Variants in IQCH observed in about 807,000 individuals in gnomAD.
IQCH encodes the protein IQ motif containing H.
Under a neutral mutation model 117.0 loss-of-function variants are expected in IQCH, and 98 were observed. The ratio of observed to expected loss-of-function variants is 0.84; its 90% CI spans 0.71 to 0.99. The LOEUF (loss-of-function observed/expected upper bound fraction) is 0.99. Among genes scored for constraint, IQCH ranks in the 50% least tolerant of loss-of-function variants. The pLI, the probability that IQCH is intolerant of heterozygous loss-of-function variation, is 0.00. For missense variants in IQCH, 1,102 were observed against 1,243.8 expected, an observed-to-expected ratio of 0.89 and a Z score of 1.72; for synonymous variants, 412 against 448.2, an observed-to-expected ratio of 0.92 and a Z score of 1.02.
At chr15:67,444,016 GTTCT>G (rs2082338397) in intron 16 of IQCH, among the ~76,000 whole-genome samples, 3 of 152,220 alleles carry the variant, frequency 2.0e-5, no homozygotes, top group African/African-American at 7.2e-5. Context: ...CCAAGCCTGT[GTTCT>G]TTCTCTCACA....
rs543927271 is a variant in IQCH, at chr15:67,323,645, A to G, written c.388-13330A>G. 3.9e-5 allele frequency among the ~76,000 whole-genome samples: 6 copies of G among 152,282 alleles called. No homozygotes were observed. In the East Asian group the frequency reaches 1.2e-3, roughly 29 times the overall value. The stretch of plus-strand genomic sequence containing the variant: ...ATTTTTAGTGGTTGCTCTAGGAATT[A>G]CAATATTCATCCTTAAGTTACCAGA... On this transcript the variant is annotated intron_variant, in intron 4 of 20. Coordinates refer to ENST00000335894, the MANE Select transcript of IQCH (RefSeq NM_001031715.3).
At chr15:67,398,765 C>T (rs1381965236) in intron 13 of IQCH, among the ~76,000 whole-genome samples, 1 of 151,534 alleles carries the variant, frequency 6.6e-6, no homozygotes, top group Non-Finnish European at 1.5e-5. Flanking sequence ...GAGATCTGAT[C>T]AAAAAAGAGG....
intron 16 of IQCH, among the ~76,000 whole-genome samples, chr15:67,435,364 C>T (rs1342779441): frequency 4.6e-5 from 7 of 152,020 alleles, no homozygotes; most frequent in Non-Finnish European, 8.8e-5. Context: ...GTGGGCAGAT[C>T]ACTTTAGGCC....
chr15:67,425,983 G>GGT lies in IQCH; in HGVS notation c.2505+4406_2505+4407insGT, dbSNP rs1567178144. Among the ~76,000 whole-genome samples the GGT allele has an allele frequency of 3.3e-5, 5 of 152,210 alleles. No homozygotes were observed. Among genetic ancestry groups the GGT allele is most frequent in the Non-Finnish European group, 7.3e-5 (5 of 68,028 alleles). On this transcript the variant is annotated intron_variant, in intron 16 of 20. Coordinates refer to ENST00000335894, the MANE Select transcript of IQCH (RefSeq NM_001031715.3). This position sits in a 1 kb window ranked among gnomAD's most constrained non-coding sequence, Gnocchi z 5.5. ...TGCTCAGTTGTTCCAGATTTGGCCA[G>GGT]TGAGAGACCCTTCAGGGTGTGTCTT...
At chr15:67,286,050 G>A (rs1420147781) in intron 4 of IQCH, among the ~76,000 whole-genome samples, 5 of 152,110 alleles carry the variant, frequency 3.3e-5, no homozygotes, top group African/African-American at 1.2e-4. Flanking sequence ...TGACAATATT[G>A]ATTCTTCCAA....
intron 4 of IQCH, among the ~76,000 whole-genome samples, chr15:67,293,045 C>G (rs1163864850): frequency 6.6e-6 from 1 of 152,210 alleles, no homozygotes; most frequent in Non-Finnish European, 1.5e-5. Flanking sequence ...CATCCTGGCT[C>G]TATCACTTAC....
intron 14 of IQCH, among the ~76,000 whole-genome samples, chr15:67,409,844 A>G (rs1334223463): frequency 2.0e-5 from 3 of 152,208 alleles, no homozygotes; most frequent in Non-Finnish European, 4.4e-5. Context: ...ACAGCAGCAT[A>G]ATTTTCCATC....
Position 67,255,087 on chromosome 15 carries a change from A to G in IQCH, c.51+140A>G, listed in dbSNP as rs192018150. On this transcript the variant is annotated intron_variant, in intron 1 of 20. Transcript: ENST00000335894. ...TCCAACTCGCGAGAGGCTCCCAAAA[A>G]TGCCCACCCAGACCTTCCCCCACGG... 25 of 801,790 alleles carry G rather than the reference A, an allele frequency of 3.1e-5. No homozygotes were observed. The African/African-American group carries it at 4.1e-4, about 13-fold the overall frequency. 49.7% of individuals were successfully genotyped at this position (801,790 alleles called of 1,614,324 possible).
In IQCH at chr15:67,457,047, G is replaced by A. The variant is rs560335499; in HGVS notation, c.2506-8080G>A. Among the ~76,000 whole-genome samples the A allele has an allele frequency of 1.3e-5, 2 of 152,294 alleles. No individual in the cohort carries two copies. Among genetic ancestry groups the A allele is most frequent in the African/African-American group, 2.4e-5 (1 of 41,566 alleles). On this transcript the variant is annotated intron_variant, in intron 16 of 20. Transcript: ENST00000335894. The surrounding 1 kb of genome is among the most constrained non-coding windows in gnomAD (Gnocchi z 5.7). ...AAACCAAGAGGCTCAATTGCTGACC[G>A]GGGTGACTGCCCTGTACAGCGACAA...
At chr15:67,264,205 C>G (rs1340162503) in intron 3 of IQCH, among the ~76,000 whole-genome samples, 1 of 152,234 alleles carries the variant, frequency 6.6e-6, no homozygotes, top group South Asian at 2.1e-4. Context: ...CCTGGACCTC[C>G]TTGCAGACAT....
At chr15:67,287,403 CT>C (rs1292559662) in intron 4 of IQCH, among the ~76,000 whole-genome samples, 1 of 152,062 alleles carries the variant, frequency 6.6e-6, no homozygotes. Context: ...GGGTACTGGG[CT>C]TTTCTTTGCT....
At chr15:67,374,059 C>T (rs909233589) in intron 10 of IQCH, 4 of 152,352 alleles carry the variant, frequency 2.6e-5, no homozygotes, top group African/African-American at 7.2e-5. Flanking sequence ...AATTGGGGAA[C>T]TTAAAAGCTG....
Position 67,501,007 on chromosome 15 carries a change from A to G in IQCH, c.*261A>G. 1 of 229,256 alleles carries G rather than the reference A, an allele frequency of 4.4e-6. No homozygotes were observed. Among genetic ancestry groups the G allele is most frequent in the Non-Finnish European group, 8.5e-6 (1 of 117,668 alleles). The allele number at this position is 229,256 out of a possible 1,614,324, so 14.2% of individuals were successfully genotyped here. A position where few individuals can be genotyped will look rare whatever the true frequency, so the allele number is the denominator to read the frequency against. ...CTTCTTCTCAAACTCAGAAAAAAGTAATCTGATAAAAGAAGAAAGTTAAAA... is the reference window on the plus strand; with the variant it reads ...CTTCTTCTCAAACTCAGAAAAAAGTGATCTGATAAAAGAAGAAAGTTAAAA... On this transcript the variant is annotated 3_prime_UTR_variant, in exon 21 of 21. Coordinates refer to ENST00000335894, the MANE Select transcript of IQCH (RefSeq NM_001031715.3). This position sits in a 1 kb window ranked among gnomAD's most constrained non-coding sequence, Gnocchi z 5.2.
intron 10 of IQCH, among the ~76,000 whole-genome samples, chr15:67,382,973 A>G (rs776241359): frequency 1.9e-4 from 29 of 152,192 alleles, no homozygotes; most frequent in Non-Finnish European, 3.5e-4. Flanking sequence ...CAACACATAT[A>G]CTTTATGGAT....
At chr15:67,486,715 G>A (rs754265357) in intron 18 of IQCH, among the ~76,000 whole-genome samples, 8 of 151,952 alleles carry the variant, frequency 5.3e-5, no homozygotes, top group South Asian at 2.1e-4. Flanking sequence ...AAATTTTCTT[G>A]GAGCAACGTT....
At position 67,431,907 on chromosome 15, in the gene IQCH, A is replaced by G. The variant is rs1439415500; in HGVS notation, c.2505+10330A>G. On this transcript the variant is annotated intron_variant, in intron 16 of 20. Coordinates refer to ENST00000335894, the MANE Select transcript of IQCH (RefSeq NM_001031715.3). This position sits in a 1 kb window ranked among gnomAD's most constrained non-coding sequence, Gnocchi z 4.8. ...AAAAATTAGTTGGGCATGGTGGCAC[A>G]CATCTGTAATCCTACCTACATGGGA... Among the ~76,000 whole-genome samples the G allele has an allele frequency of 6.6e-6, 1 of 152,158 alleles. No homozygotes were observed. Among genetic ancestry groups the G allele is most frequent in the African/African-American group, 2.4e-5 (1 of 41,450 alleles).
intron 18 of IQCH, among the ~76,000 whole-genome samples, chr15:67,482,728 A>T (rs547116306): frequency 1.4e-4 from 21 of 152,310 alleles, no homozygotes; most frequent in African/African-American, 5.1e-4. Flanking sequence ...GGGGAGAAAG[A>T]TGGATAAACA....
At position 67,475,860 on chromosome 15, in the gene IQCH, C is replaced by T. The variant is rs2141047807; in HGVS notation, c.2799+42C>T. 1.3e-6 allele frequency: 2 copies of T among 1,566,708 alleles called. No homozygotes were observed. The highest frequency in any genetic ancestry group is 4.5e-5 in the East Asian group (2 of 44,650). The stretch of plus-strand genomic sequence containing the variant: ...TTGGCCAGGGGCGGCCAAAGACATG[C>T]CTGTGGGTGATCTAGGTAGCTAATA... On this transcript the variant is annotated intron_variant, in intron 18 of 20. Coordinates refer to ENST00000335894, the MANE Select transcript of IQCH (RefSeq NM_001031715.3). The surrounding 1 kb of genome is among the most constrained non-coding windows in gnomAD (Gnocchi z 5.7).
At chr15:67,298,444 A>T (rs971135401) in intron 4 of IQCH, among the ~76,000 whole-genome samples, 8 of 152,160 alleles carry the variant, frequency 5.3e-5, no homozygotes, top group African/African-American at 1.9e-4. Context: ...CACTAAAATG[A>T]CTTTTATCTA....
Sources: gnomAD v4.1 joint callset for allele counts (sites outside exome capture counted in the v4.1 genomes callset) on GRCh38, gnomAD v4.1.1 for gene constraint, Gnocchi (gnomAD v3.1) non-coding constraint, MANE v1.5 for transcripts, NCBI Gene and HGNC (gene_info 2026-07-23, HGNC 2026-07-21) for gene names.